The following ADGRL4 variants were observed in gnomAD, a reference collection of about 807,000 sequenced individuals.
ADGRL4 encodes EGF, latrophilin and seven transmembrane domain containing 1.
In ADGRL4, 90 loss-of-function variants were observed where a neutral mutation model predicts 74.8. The ratio of observed to expected loss-of-function variants is 1.20; its 90% CI spans 1.02 to 1.43. The LOEUF (loss-of-function observed/expected upper bound fraction) is 1.43. ADGRL4 is among the 40% of genes most tolerant of loss of function. The pLI, the probability that ADGRL4 is intolerant of heterozygous loss-of-function variation, is 0.00. For missense variants in ADGRL4, 881 were observed against 814.3 expected (o/e 1.08, Z -1.00); for synonymous variants, 311 against 279.2 (o/e 1.11, Z -1.14).
At chr1:79,006,064 G>C (rs2100747268) in intron 1 of ADGRL4, among the ~76,000 whole-genome samples, 1 of 152,246 alleles carries the variant, frequency 6.6e-6, no homozygotes, top group African/African-American at 2.4e-5. Flanking sequence ...TGTTTTACCA[G>C]GCCTACTCAA....
At chr1:79,001,989 A>G (rs1650853549) in intron 2 of ADGRL4, among the ~76,000 whole-genome samples, 1 of 152,120 alleles carries the variant, frequency 6.6e-6, no homozygotes, top group Non-Finnish European at 1.5e-5. Flanking sequence ...TATATTTTCT[A>G]AATAAGCTGG....
At chr1:78,997,851 C>T (rs1349434896) in intron 2 of ADGRL4, among the ~76,000 whole-genome samples, 1 of 152,138 alleles carries the variant, frequency 6.6e-6, no homozygotes, top group African/African-American at 2.4e-5. Flanking sequence ...TCAGAGTTTT[C>T]TGTAAACGCA....
intron 8 of ADGRL4, among the ~76,000 whole-genome samples, chr1:78,924,265 ATAT>A (rs932026517): frequency 1.3e-5 from 2 of 152,028 alleles, no homozygotes; most frequent in Non-Finnish European, 2.9e-5. Context: ...GTAGAAAAAT[ATAT>A]TTGTGTGTGT....
intron 7 of ADGRL4, among the ~76,000 whole-genome samples, chr1:78,932,979 T>C (rs985897134): frequency 2.0e-5 from 3 of 151,284 alleles, no homozygotes; most frequent in Admixed American, 2.0e-4. Flanking sequence ...ATTCACAGCC[T>C]CTGGAATTCT....
chr1:79,000,362 A>T (rs1458128618), intron 2 of ADGRL4, among the ~76,000 whole-genome samples: 2 of 152,202 alleles, frequency 1.3e-5, no homozygotes, highest in African/African-American at 4.8e-5. Context: ...TGATTTGGAA[A>T]AATGATTCCT....
At chr1:78,961,983 C>A (rs574883234) in intron 2 of ADGRL4, among the ~76,000 whole-genome samples, 9 of 151,650 alleles carry the variant, frequency 5.9e-5, no homozygotes, top group Non-Finnish European at 7.4e-5. Flanking sequence ...CAGGTTCAAA[C>A]GATTCTCCTG....
chr1:78,896,635 T>G (rs563793528), intron 12 of ADGRL4, among the ~76,000 whole-genome samples: 8 of 152,238 alleles, frequency 5.3e-5, no homozygotes, highest in African/African-American at 1.7e-4. Context: ...TCTGTGCTAC[T>G]TCAGAAACCT....
chr1:78,984,943 T>A (rs1203549445), intron 2 of ADGRL4, among the ~76,000 whole-genome samples: 2 of 151,724 alleles, frequency 1.3e-5, no homozygotes, highest in Non-Finnish European at 2.9e-5. Context: ...CGTGTTAGTA[T>A]GGCAAATGGT....
intron 12 of ADGRL4, among the ~76,000 whole-genome samples, chr1:78,899,982 C>T (rs1019377597): frequency 2.0e-5 from 3 of 152,080 alleles, no homozygotes; most frequent in Non-Finnish European, 4.4e-5. Flanking sequence ...GGAGGTGATC[C>T]TGAATTACCT....
chr1:78,901,138 G>T (rs1027184592), intron 12 of ADGRL4, among the ~76,000 whole-genome samples: 2 of 152,178 alleles, frequency 1.3e-5, no homozygotes, highest in African/African-American at 4.8e-5. Flanking sequence ...TTAATTCCAT[G>T]CAATATTTGG....
At chr1:78,933,381 C>G (rs1649287527) in intron 7 of ADGRL4, among the ~76,000 whole-genome samples, 1 of 151,276 alleles carries the variant, frequency 6.6e-6, no homozygotes, top group Admixed American at 6.6e-5. Context: ...ATTCAGCATC[C>G]CTTCATGTTA....
intron 2 of ADGRL4, among the ~76,000 whole-genome samples, chr1:78,972,353 GT>G (rs1394087065): frequency 6.6e-6 from 1 of 152,138 alleles, no homozygotes; most frequent in African/African-American, 2.4e-5. Flanking sequence ...TTAGAATTGT[GT>G]AATTCTAACA....
Position 78,889,948 on chromosome 1 carries a change from C to A in ADGRL4, c.*1206G>T. On this transcript the variant is annotated 3_prime_UTR_variant, in exon 15 of 15. Transcript: ENST00000370742. ...ACATTTTAATGAGAAGATTTAAAGACAGATAGAAGCTATATATTTAAGCAG... is the reference window on the plus strand; with the variant it reads ...ACATTTTAATGAGAAGATTTAAAGAAAGATAGAAGCTATATATTTAAGCAG... The A allele has an allele frequency of 3.0e-6, 1 of 336,984 alleles. No individual in the cohort carries two copies. Among genetic ancestry groups the A allele is most frequent in the South Asian group, 2.6e-5 (1 of 38,958 alleles). The allele number at this position is 336,984 out of a possible 1,614,324, so 20.9% of individuals were successfully genotyped here.
At chr1:78,901,358 A>G (rs995535961) in intron 12 of ADGRL4, among the ~76,000 whole-genome samples, 11 of 152,164 alleles carry the variant, frequency 7.2e-5, no homozygotes, top group African/African-American at 2.4e-5. Flanking sequence ...AAGAGACCTC[A>G]AAGGAAGGGG....
intron 2 of ADGRL4, among the ~76,000 whole-genome samples, chr1:78,958,598 T>G (rs1179219548): frequency 6.6e-6 from 1 of 152,160 alleles, no homozygotes; most frequent in Non-Finnish European, 1.5e-5. Context: ...ATGATATAAC[T>G]TTGATGGATG....
intron 7 of ADGRL4, among the ~76,000 whole-genome samples, chr1:78,929,627 T>A (rs1209292641): frequency 6.6e-6 from 1 of 151,660 alleles, no homozygotes; most frequent in Admixed American, 6.6e-5. Flanking sequence ...ATTTTTTCAA[T>A]AAATTAATAA....
In ADGRL4 at chr1:78,927,075, T is replaced by C; in HGVS notation, c.894A>G (p.Ala298=). The C allele has an allele frequency of 1.3e-6, 2 of 1,590,764 alleles. No individual in the cohort carries two copies. Among genetic ancestry groups the C allele is most frequent in the Non-Finnish European group, 1.7e-6 (2 of 1,161,574 alleles). ...GACCAATACTCTTATAATATACAAATGCAACTGCAACATTGCCTATCAATC... is the reference window on the plus strand; with the variant it reads ...GACCAATACTCTTATAATATACAAACGCAACTGCAACATTGCCTATCAATC... ...AYDSNGNVAV[A]FVYYKSIGPL... is the part of the protein sequence containing the mutation. The change falls in exon 8 of 15, where the codon GCA becomes GCG. Residue 298 remains alanine, a synonymous_variant. Coordinates refer to ENST00000370742, the MANE Select transcript of ADGRL4 (RefSeq NM_022159.4).
intron 3 of ADGRL4, among the ~76,000 whole-genome samples, chr1:78,943,353 A>G (rs1649530994): frequency 6.6e-6 from 1 of 152,172 alleles, no homozygotes; most frequent in Admixed American, 6.5e-5. Context: ...TCTTGTGTGT[A>G]ACTAGGTTTC....
chr1:78,992,356 G>T (rs1650623395), intron 2 of ADGRL4, among the ~76,000 whole-genome samples: 1 of 151,982 alleles, frequency 6.6e-6, no homozygotes, highest in Non-Finnish European at 1.5e-5. Flanking sequence ...TAAGATTGCA[G>T]AAAAATCATG....
Sources: gnomAD v4.1 joint callset for allele counts (sites outside exome capture counted in the v4.1 genomes callset) on GRCh38, gnomAD v4.1.1 for gene constraint, MANE v1.5 for transcripts, NCBI Gene and HGNC (gene_info 2026-07-23, HGNC 2026-07-21) for gene names.